CADPS: variants seen among roughly 807,000 people sequenced by gnomAD.
CADPS encodes calcium-dependent secretion activator 1.
Under a neutral mutation model 167.3 loss-of-function variants are expected in CADPS, and 57 were observed. That is an observed-to-expected ratio of 0.34 (90% CI 0.28 to 0.42). The LOEUF (loss-of-function observed/expected upper bound fraction) is 0.42. CADPS is among the 20% of genes least tolerant of loss of function. CADPS has a pLI of 1.00. For synonymous variants in CADPS, 676 were observed against 635.3 expected (o/e 1.06, Z -0.96); for missense variants, 1,414 against 1,738.1 (o/e 0.81, Z 3.32).
At chr3:62,800,353 T>C (rs933259466) in intron 1 of CADPS, among the ~76,000 whole-genome samples, 3 of 152,104 alleles carry the variant, frequency 2.0e-5, no homozygotes, top group Admixed American at 6.6e-5. Context: ...AAGCAAATAT[T>C]AAGGTCATCA....
intron 3 of CADPS, among the ~76,000 whole-genome samples, chr3:62,707,349 T>C (rs916587098): frequency 6.6e-6 from 1 of 152,118 alleles, no homozygotes; most frequent in Non-Finnish European, 1.5e-5. Context: ...TGTGAAAACA[T>C]TGTCTTCCAC....
intron 4 of CADPS, among the ~76,000 whole-genome samples, chr3:62,651,911 G>A (rs933391482): frequency 4.6e-5 from 7 of 150,716 alleles, no homozygotes; most frequent in Non-Finnish European, 8.9e-5. Flanking sequence ...ATTTTTTTTT[G>A]CAAGTGACAG....
chr3:62,469,424 T>C (rs1437646808), intron 24 of CADPS, among the ~76,000 whole-genome samples: 2 of 152,080 alleles, frequency 1.3e-5, no homozygotes, highest in African/African-American at 4.8e-5. Flanking sequence ...ACTAGACAAT[T>C]TTGTTATAAA....
intron 6 of CADPS, among the ~76,000 whole-genome samples, chr3:62,620,958 G>A (rs1251672432): frequency 1.3e-5 from 2 of 152,144 alleles, no homozygotes; most frequent in African/African-American, 4.8e-5. Flanking sequence ...TGGAAGCCCA[G>A]GTTCTAGCCC....
chr3:62,633,443 C>T (rs537925388), intron 6 of CADPS, among the ~76,000 whole-genome samples: 2 of 152,226 alleles, frequency 1.3e-5, no homozygotes, highest in East Asian at 1.9e-4. Flanking sequence ...CTCCAGGTCC[C>T]GTGAGATCTG....
In CADPS at chr3:62,495,262, G is replaced by A. The variant is rs780929045; in HGVS notation, c.2707-1597C>T. Among the ~76,000 whole-genome samples, 14 of 152,018 alleles carry A rather than the reference G, an allele frequency of 9.2e-5. 1 individual carries two copies. The highest frequency in any genetic ancestry group is 1.6e-4 in the Non-Finnish European group (11 of 67,996). On this transcript the variant is annotated intron_variant, in intron 18 of 29. Transcript: ENST00000383710. ...CCAGAGCTATTTTTGTACATTCAAGGGAATTCTTTTCAAAACCTTATAATC... is the reference window on the plus strand; with the variant it reads ...CCAGAGCTATTTTTGTACATTCAAGAGAATTCTTTTCAAAACCTTATAATC...
At chr3:62,577,987 A>C (rs2152503623) in intron 8 of CADPS, among the ~76,000 whole-genome samples, 1 of 152,316 alleles carries the variant, frequency 6.6e-6, no homozygotes, top group South Asian at 2.1e-4. Context: ...AAGGATGACA[A>C]ACAACAAAAT....
At chr3:62,833,188 T>C (rs1171262172) in intron 1 of CADPS, among the ~76,000 whole-genome samples, 1 of 152,038 alleles carries the variant, frequency 6.6e-6, no homozygotes, top group Non-Finnish European at 1.5e-5. Context: ...AAGATTTTGC[T>C]CTATTGCCCG....
intron 7 of CADPS, among the ~76,000 whole-genome samples, chr3:62,587,476 T>C (rs912482526): frequency 6.6e-6 from 1 of 152,136 alleles, no homozygotes; most frequent in African/African-American, 2.4e-5. Flanking sequence ...CCTGAGCTGG[T>C]CTGGCCTGAG....
chr3:62,453,362 T>C (rs1417675587), intron 26 of CADPS, among the ~76,000 whole-genome samples: 1 of 152,170 alleles, frequency 6.6e-6, no homozygotes, highest in Non-Finnish European at 1.5e-5. Context: ...ACAAAAGTGA[T>C]AGAATTTTCA....
intron 28 of CADPS, among the ~76,000 whole-genome samples, chr3:62,414,747 G>A (rs2049672837): frequency 6.6e-6 from 1 of 152,166 alleles, no homozygotes; most frequent in African/African-American, 2.4e-5. Context: ...GGAAGGGCTG[G>A]GAGCCCCCCA....
chr3:62,422,655 T>C (rs2051695171), intron 28 of CADPS, among the ~76,000 whole-genome samples: 1 of 152,246 alleles, frequency 6.6e-6, no homozygotes, highest in Non-Finnish European at 1.5e-5. Flanking sequence ...TAGGCATTAT[T>C]GGATAATGAC....
chr3:62,818,048 G>A (rs867204569), intron 1 of CADPS, among the ~76,000 whole-genome samples: 1 of 152,130 alleles, frequency 6.6e-6, no homozygotes, highest in Non-Finnish European at 1.5e-5. Context: ...GCTTTAGGTT[G>A]ATGTTAAAAT....
intron 12 of CADPS, among the ~76,000 whole-genome samples, chr3:62,534,191 G>A (rs2074256783): frequency 6.6e-6 from 1 of 152,142 alleles, no homozygotes; most frequent in Non-Finnish European, 1.5e-5. Flanking sequence ...GAAATTTGGG[G>A]CTATTTTAAA....
chr3:62,539,150 T>G (rs1326568186), intron 11 of CADPS, among the ~76,000 whole-genome samples: 2 of 151,998 alleles, frequency 1.3e-5, no homozygotes, highest in Non-Finnish European at 2.9e-5. Context: ...ATCTAGGAGG[T>G]CTAGATTTTA....
Position 62,474,153 on chromosome 3 carries a change from A to ATGTTTTTTTTTTTTTT in CADPS, c.3477+19_3477+20insAAAAAAAAAAAAAACA. Reference sequence around the variant, plus strand: ...AATGAAGAGGGAAAAAAAAATCTGTATTTTTTTTTTTTTTTTTACCTCTTG... The same window carrying ATGTTTTTTTTTTTTTT: ...AATGAAGAGGGAAAAAAAAATCTGTATGTTTTTTTTTTTTTTTTTTTTTTTTTTTTTTTACCTCTTG... On this transcript the variant is annotated intron_variant, in intron 24 of 29. Transcript: ENST00000383710. 1 of 735,996 alleles carries ATGTTTTTTTTTTTTTT rather than the reference A, an allele frequency of 1.4e-6. No homozygotes were observed. Among genetic ancestry groups the ATGTTTTTTTTTTTTTT allele is most frequent in the Non-Finnish European group, 1.8e-6 (1 of 549,888 alleles). The allele number at this position is 735,996 out of a possible 1,614,324, so 45.6% of individuals were successfully genotyped here. A position where few individuals can be genotyped will look rare whatever the true frequency, so the allele number is the denominator to read the frequency against.
intron 1 of CADPS, among the ~76,000 whole-genome samples, chr3:62,839,440 A>G (rs1373570260): frequency 6.6e-6 from 1 of 152,070 alleles, no homozygotes; most frequent in Non-Finnish European, 1.5e-5. Flanking sequence ...TTCAAGCAGA[A>G]AGTATATGCA....
chr3:62,447,276 A>G (rs572721632), intron 26 of CADPS, among the ~76,000 whole-genome samples: 25 of 152,206 alleles, frequency 1.6e-4, no homozygotes, highest in Non-Finnish European at 3.2e-4. Flanking sequence ...AGTGCTTTGT[A>G]AACTTTAAAG....
At chr3:62,724,229 C>T (rs1243417799) in intron 3 of CADPS, among the ~76,000 whole-genome samples, 2 of 152,166 alleles carry the variant, frequency 1.3e-5, no homozygotes, top group South Asian at 2.1e-4. Context: ...ACCACCTTTC[C>T]TGTATTCCCT....
Sources: allele counts gnomAD v4.1 joint callset (sites outside exome capture counted in the v4.1 genomes callset), GRCh38; gene constraint gnomAD v4.1.1; transcripts MANE v1.5; gene names NCBI Gene and HGNC (gene_info 2026-07-23, HGNC 2026-07-21).